Variants in PMFBP1 observed in about 807,000 individuals in gnomAD.
PMFBP1 encodes the protein polyamine-modulated factor 1-binding protein 1.
PMFBP1 carries 131 observed loss-of-function variants against 137.8 expected under a neutral mutation model. The observed-to-expected ratio is 0.95, with a 90% CI of 0.82 to 1.10. PMFBP1 has a LOEUF of 1.10. Among genes scored for constraint, PMFBP1 ranks in the 50% least tolerant of loss-of-function variants. The pLI is 0.00. For missense variants in PMFBP1, 1,199 were observed against 1,175.4 expected, an observed-to-expected ratio of 1.02 and a Z score of -0.29; for synonymous variants, 490 against 450.4, an observed-to-expected ratio of 1.09 and a Z score of -1.11.
rs1275448434 is a variant in PMFBP1 at position 72,124,916 on chromosome 16, T to G, written c.2440A>C (p.Lys814Gln). 1 of 1,613,502 alleles carries G rather than the reference T, an allele frequency of 6.2e-7. No individual in the cohort carries two copies. Among genetic ancestry groups the G allele is most frequent in the Non-Finnish European group, 8.5e-7 (1 of 1,179,892 alleles). Residue 814 changes from lysine (K) to glutamine (Q), a missense_variant, in exon 17 of 21, where the codon AAG becomes CAG. Coordinates refer to ENST00000237353, the MANE Select transcript of PMFBP1 (RefSeq NM_031293.3). ...ACCTGGCAGCTCATCTCCTCTAGCT[T>G]CTTGTCAAAGGCGTGCACCTACTCA... ...SELEVHAFDK[K>Q]LEEMSCQVLQ...
chr16:72,133,178 AATT>A (rs1187843570), intron 9 of PMFBP1, among the ~76,000 whole-genome samples, 187 bp from the exon 10 acceptor site: 1 of 151,634 alleles, frequency 6.6e-6, no homozygotes, highest in East Asian at 1.9e-4. Flanking sequence ...GAGTCTTTAT[AATT>A]ATTATTATTG....
rs1390256188 is a variant in PMFBP1 at position 72,119,938 on chromosome 16, A to G, written c.2920T>C (p.Cys974Arg). ...AACCCCTTCCAGCCCAAGGTGCCGCACACTTTCTCCCTCTGTGTGGACTCC... is the reference window on the plus strand; with the variant it reads ...AACCCCTTCCAGCCCAAGGTGCCGCGCACTTTCTCCCTCTGTGTGGACTCC... The part of the protein sequence containing the change: ...RTESTQREKV[C>R]GTLGWKGLPQ... Residue 974 changes from cysteine (C) to arginine (R), a missense_variant, in exon 20 of 21, where the codon TGC becomes CGC. By Grantham distance (180) the Cys-to-Arg change is radical (BLOSUM62 -3). Coordinates refer to ENST00000237353, the MANE Select transcript of PMFBP1 (RefSeq NM_031293.3). 1.9e-6 allele frequency: 3 copies of G among 1,614,138 alleles called. No homozygotes were observed. The highest frequency in any genetic ancestry group is 2.2e-5 in the South Asian group (2 of 91,076).
chr16:72,171,055 CTT>C, intron 2 of PMFBP1, 140 bp downstream of exon 2: 1 of 952,628 alleles, frequency 1.0e-6, no homozygotes, highest in Non-Finnish European at 1.6e-6. Flanking sequence ...AGTCTGGGCT[CTT>C]AAACACGATG....
At chr16:72,213,435 AGTT>A in the PMFBP1 span, among the ~76,000 whole-genome samples, 1 of 152,182 alleles carries the variant, frequency 6.6e-6, no homozygotes, top group Non-Finnish European at 1.5e-5. Context: ...CCAGCCGTCA[AGTT>A]GTGAGCTGCC....
At chr16:72,243,297 C>T in the PMFBP1 span, among the ~76,000 whole-genome samples, 2 of 152,176 alleles carry the variant, frequency 1.3e-5, no homozygotes, top group African/African-American at 2.4e-5. Flanking sequence ...TACAATGAGG[C>T]ACCAAGTGAA....
At chr16:72,182,648 G>C in the PMFBP1 span, among the ~76,000 whole-genome samples, 1 of 152,164 alleles carries the variant, frequency 6.6e-6, no homozygotes, top group Non-Finnish European at 1.5e-5. Flanking sequence ...TATGCATTGG[G>C]TGAAGCAGAA....
chr16:72,244,341 A>C, the PMFBP1 span, among the ~76,000 whole-genome samples: 3 of 152,370 alleles, frequency 2.0e-5, no homozygotes, highest in Middle Eastern at 3.4e-3. Context: ...CATTCCCAGT[A>C]GCTAGAGACC....
chr16:72,171,372 T>A (rs1257605785), intron 1 of PMFBP1, 104 bp from the exon 2 acceptor site: 1 of 733,784 alleles, frequency 1.4e-6, no homozygotes, highest in South Asian at 1.9e-5. Context: ...GTTTGGAAAA[T>A]TTTCCTGAAC....
chr16:72,140,928 C>CTTTTTTTTTTTTTTTTTT (rs35908141), intron 5 of PMFBP1, among the ~76,000 whole-genome samples: 1 of 69,786 alleles, frequency 1.4e-5, no homozygotes, highest in Non-Finnish European at 2.6e-5. Flanking sequence ...ACAAATGAGT[C>CTTTTTTTTTTTTTTTTTT]TTTTTTTTTT....
At chr16:72,236,806 T>C in the PMFBP1 span, among the ~76,000 whole-genome samples, 1 of 152,168 alleles carries the variant, frequency 6.6e-6, no homozygotes, top group East Asian at 1.9e-4. Flanking sequence ...CTCATATGGA[T>C]AGGTGCTGAA....
At chr16:72,142,492 T>A (rs1209696445) in intron 5 of PMFBP1, among the ~76,000 whole-genome samples, 1 of 152,184 alleles carries the variant, frequency 6.6e-6, no homozygotes, top group Admixed American at 6.5e-5. Flanking sequence ...TAACAATGCA[T>A]CTCTAATACT....
intron 5 of PMFBP1, among the ~76,000 whole-genome samples, chr16:72,144,554 G>A (rs1379525124): frequency 2.0e-5 from 3 of 151,996 alleles, no homozygotes; most frequent in African/African-American, 7.2e-5. Flanking sequence ...GAGGCCACTG[G>A]ATATTTATTT....
chr16:72,128,145 T>C (rs772997982), intron 14 of PMFBP1, among the ~76,000 whole-genome samples: 3 of 152,218 alleles, frequency 2.0e-5, no homozygotes, highest in Non-Finnish European at 2.9e-5. Context: ...GTCTTTCTTT[T>C]TGGCAGTAAA....
the PMFBP1 span, among the ~76,000 whole-genome samples, chr16:72,210,775 A>G: frequency 6.6e-6 from 1 of 152,220 alleles, no homozygotes; most frequent in Non-Finnish European, 1.5e-5. Context: ...GTTGACTCAA[A>G]GCAAAACACA....
the PMFBP1 span, among the ~76,000 whole-genome samples, chr16:72,192,997 T>A: frequency 1.3e-5 from 2 of 151,988 alleles, no homozygotes; most frequent in Admixed American, 1.3e-4. Flanking sequence ...GCACGTTATA[T>A]TGAGTGGGAA....
intron 14 of PMFBP1, among the ~76,000 whole-genome samples, chr16:72,127,615 T>TA (rs2042481087): frequency 6.6e-6 from 1 of 152,222 alleles, no homozygotes; most frequent in Admixed American, 6.5e-5. Flanking sequence ...AGAAAGATTC[T>TA]AAAAATCTAC....
intron 5 of PMFBP1, among the ~76,000 whole-genome samples, chr16:72,143,805 C>T (rs1306924331): frequency 6.6e-6 from 1 of 152,008 alleles, no homozygotes. Context: ...CTTTGGGAGG[C>T]CAAGGTAGGC....
At chr16:72,219,635 T>C in the PMFBP1 span, among the ~76,000 whole-genome samples, 7 of 152,082 alleles carry the variant, frequency 4.6e-5, no homozygotes, top group African/African-American at 9.7e-5. Context: ...GGATAGGTCA[T>C]TGGCAGATCC....
intron 2 of PMFBP1, among the ~76,000 whole-genome samples, chr16:72,169,013 C>T (rs867617665): frequency 1.3e-5 from 2 of 151,966 alleles, no homozygotes. Context: ...AATTGAAGCT[C>T]GTGATTCAGT....
Sources: allele counts gnomAD v4.1 joint callset (sites outside exome capture counted in the v4.1 genomes callset), GRCh38; gene constraint gnomAD v4.1.1; transcripts MANE v1.5; gene names NCBI Gene and HGNC (gene_info 2026-07-23, HGNC 2026-07-21).